The following ERC2 variants were observed in gnomAD, a reference collection of about 807,000 sequenced individuals.
ERC2 encodes the protein ERC protein 2.
In ERC2, 42 loss-of-function variants were observed where a neutral mutation model predicts 114.8. That is an observed-to-expected ratio of 0.37 (90% CI 0.29 to 0.47). The LOEUF (loss-of-function observed/expected upper bound fraction) is 0.47, where lower values mean the gene tolerates loss of function less well. Ranked by LOEUF, ERC2 falls within the 20% of genes least tolerant of loss-of-function variation. The probability of loss-of-function intolerance (pLI) is 0.99; values close to 1 mark genes in which losing one functional copy is unlikely to be tolerated. For synonymous variants in ERC2, 454 were observed against 425.5 expected (o/e 1.07, Z -0.82); for missense variants, 939 against 1,150.7 (o/e 0.82, Z 2.66).
intron 14 of ERC2, among the ~76,000 whole-genome samples, chr3:55,787,280 G>C (rs1053265401): frequency 2.6e-5 from 4 of 152,068 alleles, no homozygotes; most frequent in Non-Finnish European, 5.9e-5. Context: ...GCTGGGTGTG[G>C]TGGTGCGCGC....
intron 6 of ERC2, among the ~76,000 whole-genome samples, chr3:56,094,394 C>T (rs1235504488): frequency 1.3e-5 from 2 of 152,134 alleles, no homozygotes; most frequent in Non-Finnish European, 2.9e-5. Flanking sequence ...TTTCAGGGCT[C>T]AGAGACCTAG....
At chr3:55,664,796 A>G (rs963132959) in intron 17 of ERC2, among the ~76,000 whole-genome samples, 3 of 152,214 alleles carry the variant, frequency 2.0e-5, no homozygotes, top group Non-Finnish European at 4.4e-5. Context: ...TGGAAACAAT[A>G]TTTAAGTTTA....
At chr3:55,989,153 A>G (rs2149520025) in intron 11 of ERC2, among the ~76,000 whole-genome samples, 1 of 152,352 alleles carries the variant, frequency 6.6e-6, no homozygotes, top group Non-Finnish European at 1.5e-5. Context: ...CGTTTTATGA[A>G]TTACAGTGCC....
chr3:55,766,847 C>T (rs552219619), intron 14 of ERC2: 2 of 152,296 alleles, frequency 1.3e-5, no homozygotes, highest in Non-Finnish European at 2.9e-5. Flanking sequence ...CATTGCATTC[C>T]TCCTTCACCT....
At chr3:56,408,067 G>A (rs1442815817) in intron 2 of ERC2, among the ~76,000 whole-genome samples, 2 of 152,160 alleles carry the variant, frequency 1.3e-5, no homozygotes, top group East Asian at 3.9e-4. Context: ...TTATAATGAT[G>A]TATTTTTGTG....
intron 2 of ERC2, among the ~76,000 whole-genome samples, chr3:56,387,124 A>G (rs2059960942): frequency 6.6e-6 from 1 of 152,216 alleles, no homozygotes; most frequent in African/African-American, 2.4e-5. Flanking sequence ...AGAATTTAAT[A>G]TGTGTATTAA....
chr3:56,065,161 C>T (rs914277090), intron 7 of ERC2, among the ~76,000 whole-genome samples: 19 of 152,150 alleles, frequency 1.2e-4, no homozygotes, highest in Admixed American at 9.8e-4. Context: ...CCTATGCATA[C>T]ATTTTTAAAT....
At chr3:55,980,040 A>G (rs577829528) in intron 12 of ERC2, among the ~76,000 whole-genome samples, 2 of 149,760 alleles carry the variant, frequency 1.3e-5, no homozygotes, top group African/African-American at 4.9e-5. Flanking sequence ...TACAATTTCT[A>G]AAACTAAAGT....
intron 17 of ERC2, among the ~76,000 whole-genome samples, chr3:55,625,374 G>GAAAAAAA (rs60450668): frequency 1.1e-4 from 13 of 119,864 alleles, no homozygotes; most frequent in South Asian, 2.7e-4. Context: ...CTCAAAAAAA[G>GAAAAAAA]AAAAAAAAAA....
rs181341271 is a variant in ERC2, at chr3:55,906,977, T to G, written c.2404-18428A>C. Among the ~76,000 whole-genome samples the G allele has an allele frequency of 1.4e-4, 21 of 152,278 alleles. No individual in the cohort carries two copies. The East Asian group carries it at 4.1e-3, about 29-fold the overall frequency. ...TTTTCTGTAGTGATGGCCCAGATGA[T>G]AGGGGTGCTTGCCTCCCAGTCTTCA... On this transcript the variant is annotated intron_variant, in intron 13 of 17. Transcript: ENST00000288221.
intron 2 of ERC2, among the ~76,000 whole-genome samples, chr3:56,363,047 T>C (rs930788410): frequency 6.6e-6 from 1 of 152,184 alleles, no homozygotes; most frequent in African/African-American, 2.4e-5. Flanking sequence ...TATGCAGCAG[T>C]ATAATGAGCA....
In ERC2 at chr3:55,875,724, A is replaced by ACACACTCTCT. The variant is rs1491351730; in HGVS notation, c.2564+12664_2564+12665insAGAGAGTGTG. ...CACACACACACACACACACACACAC[A>ACACACTCTCT]CTCTCTCTCTCTCACCCCTCTTCCC... is the stretch of plus-strand genomic sequence containing the variant. On this transcript the variant is annotated intron_variant, in intron 14 of 17. Coordinates refer to ENST00000288221, the MANE Select transcript of ERC2 (RefSeq NM_015576.3). Among the ~76,000 whole-genome samples the ACACACTCTCT allele has an allele frequency of 3.2e-3, 456 of 141,078 alleles. 2 individuals carry two copies. The highest frequency in any genetic ancestry group is 0.012 in the African/African-American group (422 of 36,122). 92.6% of individuals were successfully genotyped at this position (141,078 alleles called of 152,430 possible). A position where few individuals can be genotyped will look rare whatever the true frequency, so the allele number is the denominator to read the frequency against.
intron 17 of ERC2, among the ~76,000 whole-genome samples, chr3:55,593,151 G>A (rs541265735): frequency 1.8e-4 from 27 of 152,304 alleles, no homozygotes; most frequent in Admixed American, 3.3e-4. Context: ...CTGATCCAGC[G>A]CTGCTTTCAT....
chr3:55,604,289 C>T (rs955745597), intron 17 of ERC2, among the ~76,000 whole-genome samples: 3 of 151,842 alleles, frequency 2.0e-5, no homozygotes, highest in African/African-American at 7.3e-5. Context: ...ACACCTGAGA[C>T]GTGTGAAAGG....
chr3:55,831,871 C>T (rs983494490), intron 14 of ERC2, among the ~76,000 whole-genome samples: 3 of 152,166 alleles, frequency 2.0e-5, no homozygotes, highest in Non-Finnish European at 2.9e-5. Context: ...GGGTGACAGA[C>T]GGCACCTGGA....
At chr3:56,215,798 A>C (rs2049425876) in intron 3 of ERC2, among the ~76,000 whole-genome samples, 1 of 152,248 alleles carries the variant, frequency 6.6e-6, no homozygotes, top group African/African-American at 2.4e-5. Flanking sequence ...ACTGTCTCTC[A>C]GACAACAGTG....
chr3:55,727,803 G>A (rs2065012006), intron 15 of ERC2, among the ~76,000 whole-genome samples: 1 of 152,172 alleles, frequency 6.6e-6, no homozygotes. Context: ...AATTGGAGGA[G>A]ATTTGAACTA....
chr3:56,139,651 GA>G lies in ERC2; in HGVS notation c.1330del (p.Ser444GlnfsTer49). The G allele has an allele frequency of 1.9e-6, 3 of 1,606,510 alleles. No homozygotes were observed. The highest frequency in any genetic ancestry group is 2.6e-6 in the Non-Finnish European group (3 of 1,176,086). ...GGCAAGAAGTTCCGACTCTTTCTTT[GA>G]AAGTTCCTGCTTCAGCTGATCAATC... is the stretch of plus-strand genomic sequence containing the variant. Reference protein sequence around the residue: ...TKIDQLKQELSKKESELLALQ... With the variant: ...TKIDQLKQELXKKESELLALQ... On this transcript the variant is annotated frameshift_variant, in exon 6 of 18. Transcript: ENST00000288221. LOFTEE classifies it high-confidence loss of function.
At chr3:56,053,473 A>T (rs1482995164) in intron 7 of ERC2, among the ~76,000 whole-genome samples, 1 of 152,194 alleles carries the variant, frequency 6.6e-6, no homozygotes. Context: ...CCCGAGTTAC[A>T]CACATCAAGA....
Sources: gnomAD v4.1 joint callset for allele counts (sites outside exome capture counted in the v4.1 genomes callset) on GRCh38, gnomAD v4.1.1 for gene constraint, MANE v1.5 for transcripts, NCBI Gene and HGNC (gene_info 2026-07-23, HGNC 2026-07-21) for gene names.